Variants in AKAP7 observed in about 807,000 individuals in gnomAD.
The protein encoded by AKAP7 is A-kinase anchoring protein 7, also known as A kinase (PRKA) anchor protein 7.
In AKAP7, 39 loss-of-function variants were observed where a neutral mutation model predicts 39.5. That is an observed-to-expected ratio of 0.99 (90% CI 0.76 to 1.29). AKAP7 has a LOEUF of 1.29. Ranked by LOEUF, AKAP7 falls within the 50% of genes most tolerant of loss-of-function variation. The pLI, the probability that AKAP7 is intolerant of heterozygous loss-of-function variation, is 0.00. For missense variants in AKAP7, 414 were observed against 407.7 expected (o/e 1.02, Z -0.13); for synonymous variants, 140 against 139.1 (o/e 1.01, Z -0.05).
chr6:131,174,941 T>C (rs879504208), intron 5 of AKAP7, among the ~76,000 whole-genome samples: 5 of 100,244 alleles, frequency 5.0e-5, no homozygotes, highest in Non-Finnish European at 1.2e-4. Flanking sequence ...CCCATGTAAC[T>C]TTCGACTCCT....
rs146055415 is a variant in AKAP7 at position 131,137,114 on chromosome 6, C to T, written c.19+1332C>T. Among the ~76,000 whole-genome samples the T allele has an allele frequency of 6.9e-3, 1,055 of 152,066 alleles. 10 individuals are homozygous for T. The highest frequency in any genetic ancestry group is 0.011 in the Non-Finnish European group (755 of 67,978). On this transcript the variant is annotated intron_variant, in intron 1 of 7. Coordinates refer to ENST00000431975, the MANE Select transcript of AKAP7 (RefSeq NM_016377.4). The stretch of plus-strand genomic sequence containing the variant: ...AGTAGCGGGGACTACAGGTCTGTGC[C>T]AACATGCCTGACTAATTTTTGTATT...
chr6:131,164,910 T>A (rs1803331618), intron 3 of AKAP7, among the ~76,000 whole-genome samples, 171 bp from the exon 4 acceptor site: 1 of 152,256 alleles, frequency 6.6e-6, no homozygotes, highest in African/African-American at 2.4e-5. Flanking sequence ...CCCAGTCAAC[T>A]ATCTGTTTGA....
chr6:131,137,788 T>C (rs564592747), intron 1 of AKAP7: 34 of 152,202 alleles, frequency 2.2e-4, no homozygotes, highest in Non-Finnish European at 4.4e-4. Flanking sequence ...GTATGTATTG[T>C]TTTTCTTAGG....
At chr6:131,206,569 A>C (rs1218978920) in intron 6 of AKAP7, among the ~76,000 whole-genome samples, 1 of 152,166 alleles carries the variant, frequency 6.6e-6, no homozygotes, top group Non-Finnish European at 1.5e-5. Flanking sequence ...GCTACCATTA[A>C]GAGGAAATTC....
At chr6:131,248,012 G>C (rs764452431) in intron 7 of AKAP7, among the ~76,000 whole-genome samples, 1 of 152,000 alleles carries the variant, frequency 6.6e-6, no homozygotes, top group African/African-American at 2.4e-5. Flanking sequence ...TTTATTGCAC[G>C]AACATTATCC....
chr6:131,252,609 GTACTTA>G (rs1052760679), intron 7 of AKAP7, among the ~76,000 whole-genome samples: 2 of 152,166 alleles, frequency 1.3e-5, no homozygotes, highest in Non-Finnish European at 2.9e-5. Flanking sequence ...GTGCCTAACA[GTACTTA>G]TAAAGGGGAC....
In AKAP7 at chr6:131,219,772, A is replaced by C. The variant is rs776961748; in HGVS notation, c.814A>C (p.Asn272His). ...CTCCATGCTGAAGAAAAAACAAAGT[A>C]ATGGTTATTATCACTGTGAATCTTC... ...LCSMLKKKQS[N>H]GYYHCESSIV... The change falls in exon 7 of 8, where the codon AAT (asparagine) becomes CAT (histidine). Residue 272 changes from asparagine to histidine, a missense_variant. Asn to His is a moderately conservative substitution (Grantham distance 68, BLOSUM62 1). Coordinates refer to ENST00000431975, the MANE Select transcript of AKAP7 (RefSeq NM_016377.4). 1 of 1,593,404 alleles carries C rather than the reference A, an allele frequency of 6.3e-7. No homozygotes were observed. The highest frequency in any genetic ancestry group is 1.4e-5 in the African/African-American group (1 of 73,812).
chr6:131,145,936 G>T (rs1248115162), intron 2 of AKAP7, among the ~76,000 whole-genome samples: 1 of 152,024 alleles, frequency 6.6e-6, no homozygotes, highest in Admixed American at 6.6e-5. Context: ...TAATATCTGT[G>T]ATAAAATAAT....
chr6:131,273,724 T>C (rs900377708), intron 7 of AKAP7, among the ~76,000 whole-genome samples: 2 of 152,198 alleles, frequency 1.3e-5, no homozygotes, highest in African/African-American at 4.8e-5. Flanking sequence ...TTTACTTACG[T>C]ATGTACAGTT....
At chr6:131,130,875 G>A (rs975557058), upstream of AKAP7, among the ~76,000 whole-genome samples, 3 of 152,118 alleles carry the variant, frequency 2.0e-5, no homozygotes, top group African/African-American at 7.2e-5. Context: ...GGTTCATTTA[G>A]CTATTAAGAT....
intron 7 of AKAP7, among the ~76,000 whole-genome samples, chr6:131,226,959 T>TC (rs1178282002): frequency 2.0e-5 from 3 of 152,176 alleles, no homozygotes; most frequent in Non-Finnish European, 4.4e-5. Context: ...TAAGACACAG[T>TC]CCTTAAGAGT....
chr6:131,136,956 G>A (rs1051584399), intron 1 of AKAP7: 6 of 649,830 alleles, frequency 9.2e-6, no homozygotes, highest in Non-Finnish European at 9.5e-6. Flanking sequence ...ATGTATGTAT[G>A]TATATATGTA....
chr6:131,174,683 CTGTT>C (rs917159005), intron 5 of AKAP7, among the ~76,000 whole-genome samples: 1 of 152,196 alleles, frequency 6.6e-6, no homozygotes, highest in African/African-American at 2.4e-5. Flanking sequence ...ATTTTATAAG[CTGTT>C]TGTTCAAATG....
chr6:131,143,273 C>T (rs565518704), intron 1 of AKAP7, among the ~76,000 whole-genome samples: 2 of 152,154 alleles, frequency 1.3e-5, no homozygotes, highest in East Asian at 3.9e-4. Flanking sequence ...GAGATGTAAT[C>T]CCCAATGTTG....
intron 3 of AKAP7, among the ~76,000 whole-genome samples, chr6:131,161,644 CAAAAAAAAAAAAAAAAAAA>C (rs55744190): frequency 0.011 from 383 of 33,622 alleles, 3 homozygotes; most frequent in African/African-American, 0.036. Flanking sequence ...GACTGTATCT[CAAAAAAAAAAAAAAAAAAA>C]AAAAAAAAAA....
In AKAP7 at chr6:131,241,577, ATGTGTGTGTG is replaced by A. The variant is rs749601887; in HGVS notation, c.850+21811_850+21820del. Among the ~76,000 whole-genome samples the A allele has an allele frequency of 2.1e-3, 167 of 81,270 alleles. 7 individuals carry two copies. Among genetic ancestry groups the A allele is most frequent in the Middle Eastern group, 0.011 (2 of 188 alleles). 53.3% of individuals were successfully genotyped at this position (81,270 alleles called of 152,430 possible). A position where few individuals can be genotyped will look rare whatever the true frequency, so the allele number is the denominator to read the frequency against. ...GAGGTCCAGGACATAGATTATATAT[ATGTGTGTGTG>A]TGTGTGTGTGTGTGTGTGTGTGTGT... On this transcript the variant is annotated intron_variant, in intron 7 of 7. Coordinates refer to ENST00000431975, the MANE Select transcript of AKAP7 (RefSeq NM_016377.4).
chr6:131,174,840 G>A (rs1804421922), intron 5 of AKAP7, among the ~76,000 whole-genome samples: 1 of 151,666 alleles, frequency 6.6e-6, no homozygotes, highest in East Asian at 1.9e-4. Context: ...CTGACTTACT[G>A]TAAAGCAGGA....
the AKAP7 span, among the ~76,000 whole-genome samples, chr6:131,126,249 T>C: frequency 6.6e-6 from 1 of 152,246 alleles, no homozygotes; most frequent in Non-Finnish European, 1.5e-5. Flanking sequence ...CTGTCTTTTC[T>C]TTCTTGCTTA....
At chr6:131,170,155 G>A (rs1398927411) in intron 5 of AKAP7, among the ~76,000 whole-genome samples, 1 of 119,390 alleles carries the variant, frequency 8.4e-6, no homozygotes, top group East Asian at 2.9e-4. Context: ...TGTGGGGTGG[G>A]GGGAGGGGGG....
Sources: gnomAD v4.1 joint callset for allele counts (sites outside exome capture counted in the v4.1 genomes callset) on GRCh38, gnomAD v4.1.1 for gene constraint, MANE v1.5 for transcripts, NCBI Gene and HGNC (gene_info 2026-07-23, HGNC 2026-07-21) for gene names.